Variants in RORA observed in about 807,000 individuals in gnomAD.
The protein encoded by RORA is RAR related orphan receptor A, also known as nuclear receptor ROR-alpha.
A neutral mutation model predicts 69.5 loss-of-function variants in RORA; 7 were observed. The ratio of observed to expected loss-of-function variants is 0.10; its 90% confidence interval spans 0.06 to 0.19. The LOEUF (loss-of-function observed/expected upper bound fraction) is 0.19. RORA is among the 10% of genes least tolerant of loss of function. The probability of loss-of-function intolerance (pLI) is 1.00; values close to 1 mark genes in which losing one functional copy is unlikely to be tolerated. For synonymous variants in RORA, 261 were observed against 240.8 expected (o/e 1.08, Z -0.78); for missense variants, 457 against 663.0 (o/e 0.69, Z 3.41).
intron 1 of RORA, chr15:61,181,445 C>T (rs1338916118): frequency 6.6e-6 from 1 of 151,694 alleles, no homozygotes; most frequent in Non-Finnish European, 1.5e-5. Context: ...TAAAAACTCA[C>T]AAAGCAAAAA....
At chr15:61,168,884 A>C (rs1427394919) in intron 1 of RORA, among the ~76,000 whole-genome samples, 1 of 152,174 alleles carries the variant, frequency 6.6e-6, no homozygotes, top group Non-Finnish European at 1.5e-5. Flanking sequence ...CTGACAGCCT[A>C]AATGAGATCA....
chr15:60,776,275 C>T (rs566677473), intron 1 of RORA, among the ~76,000 whole-genome samples: 84 of 152,336 alleles, frequency 5.5e-4, no homozygotes, highest in African/African-American at 1.9e-3. Context: ...TCTGTGGTTC[C>T]CACCTCACTC....
chr15:60,795,868 T>C (rs2072488858), intron 1 of RORA, among the ~76,000 whole-genome samples: 1 of 152,218 alleles, frequency 6.6e-6, no homozygotes, highest in South Asian at 2.1e-4. Flanking sequence ...GTAATGGAGA[T>C]AACTTTGGGA....
At chr15:60,590,199 CT>C in intron 2 of RORA, among the ~76,000 whole-genome samples, 1 of 151,874 alleles carries the variant, frequency 6.6e-6, no homozygotes, top group South Asian at 2.1e-4. Flanking sequence ...CTCTCTCTCT[CT>C]TTCAGGCAGC....
intron 1 of RORA, among the ~76,000 whole-genome samples, chr15:61,173,867 C>A (rs1411883023): frequency 6.6e-6 from 1 of 152,188 alleles, no homozygotes; most frequent in Non-Finnish European, 1.5e-5. Flanking sequence ...CCAGGCTGGT[C>A]TCCATCAAGG....
intron 2 of RORA, among the ~76,000 whole-genome samples, chr15:60,601,887 A>T (rs1596042137): frequency 1.3e-5 from 2 of 152,274 alleles, no homozygotes; most frequent in East Asian, 3.9e-4. Flanking sequence ...TTGACAACAC[A>T]TCTTAAGTAA....
At chr15:61,074,404 A>G (rs1480479286) in intron 1 of RORA, among the ~76,000 whole-genome samples, 1 of 152,242 alleles carries the variant, frequency 6.6e-6, no homozygotes, top group Non-Finnish European at 1.5e-5. Flanking sequence ...GCCCCGCAGT[A>G]GCCAACAATC....
At chr15:60,892,926 C>T (rs1011754105) in intron 1 of RORA, among the ~76,000 whole-genome samples, 2 of 152,322 alleles carry the variant, frequency 1.3e-5, no homozygotes, top group East Asian at 1.9e-4. Flanking sequence ...AATGCACTTA[C>T]GTGAGCGATT....
At chr15:61,191,526 T>C (rs1302063784) in intron 1 of RORA, among the ~76,000 whole-genome samples, 2 of 152,176 alleles carry the variant, frequency 1.3e-5, no homozygotes, top group African/African-American at 2.4e-5. Flanking sequence ...TTGTACTTCT[T>C]AGGCTGTGTC....
intron 1 of RORA, among the ~76,000 whole-genome samples, chr15:61,164,479 C>T (rs970425448): frequency 1.3e-5 from 2 of 152,116 alleles, no homozygotes; most frequent in African/African-American, 2.4e-5. Flanking sequence ...CAACCATTGC[C>T]GTATACAGGT....
intron 2 of RORA, among the ~76,000 whole-genome samples, chr15:60,648,810 G>T (rs537488524): frequency 3.9e-5 from 6 of 152,172 alleles, no homozygotes; most frequent in African/African-American, 7.2e-5. Context: ...CTCTTTTTGA[G>T]GGGGGAGAGG....
At chr15:61,210,281 T>C (rs1287776488) in intron 1 of RORA, among the ~76,000 whole-genome samples, 2 of 152,236 alleles carry the variant, frequency 1.3e-5, no homozygotes, top group South Asian at 2.1e-4. Flanking sequence ...TTATAGCCAG[T>C]CTTTCTCTGA....
intron 1 of RORA, among the ~76,000 whole-genome samples, chr15:60,904,525 G>A (rs1891478849): frequency 6.6e-6 from 1 of 152,188 alleles, no homozygotes; most frequent in South Asian, 2.1e-4. Flanking sequence ...AAGTAAATGG[G>A]GAGATGCTGA....
intron 2 of RORA, among the ~76,000 whole-genome samples, chr15:60,587,550 C>T (rs2068370779): frequency 6.6e-6 from 1 of 152,146 alleles, no homozygotes; most frequent in Non-Finnish European, 1.5e-5. Flanking sequence ...CTTCATCAGT[C>T]ACTGATGGGA....
intron 1 of RORA, among the ~76,000 whole-genome samples, chr15:61,102,677 G>A (rs746119398): frequency 6.6e-6 from 1 of 152,178 alleles, no homozygotes; most frequent in Non-Finnish European, 1.5e-5. Context: ...GGGCTGGTGC[G>A]CTTAATCCTC....
chr15:61,100,205 C>T (rs908108459), intron 1 of RORA, among the ~76,000 whole-genome samples: 13 of 151,146 alleles, frequency 8.6e-5, no homozygotes, highest in Non-Finnish European at 1.5e-4. Context: ...CTGCAGCCTC[C>T]GCCTCCGGGT....
intron 1 of RORA, among the ~76,000 whole-genome samples, chr15:61,139,999 C>T (rs2079283203): frequency 6.6e-6 from 1 of 152,190 alleles, no homozygotes; most frequent in African/African-American, 2.4e-5. Context: ...CCATTTGGCA[C>T]TTCCCAGACT....
At chr15:60,835,104 T>A (rs1400103860) in intron 1 of RORA, among the ~76,000 whole-genome samples, 1 of 152,128 alleles carries the variant, frequency 6.6e-6, no homozygotes, top group East Asian at 1.9e-4. Context: ...AGTGGTATTG[T>A]AAGGGAAAGT....
chr15:60,820,821 C>T (rs1294838153), intron 1 of RORA, among the ~76,000 whole-genome samples: 1 of 152,232 alleles, frequency 6.6e-6, no homozygotes, highest in African/African-American at 2.4e-5. Flanking sequence ...CTCACAATGT[C>T]TCTCAAAGTG....
Sources: allele counts gnomAD v4.1 joint callset (sites outside exome capture counted in the v4.1 genomes callset), GRCh38; gene constraint gnomAD v4.1.1; transcripts MANE v1.5; gene names NCBI Gene and HGNC (gene_info 2026-07-23, HGNC 2026-07-21).